The following TRIO variants were observed in gnomAD, a reference collection of about 807,000 sequenced individuals.
TRIO encodes triple functional domain protein.
A neutral mutation model predicts 351.9 loss-of-function variants in TRIO; 58 were observed. That is an observed-to-expected ratio of 0.16 (90% confidence interval 0.13 to 0.21). The LOEUF is 0.21. TRIO is among the 10% of genes least tolerant of loss of function. The probability of loss-of-function intolerance (pLI) is 1.00; values close to 1 mark genes in which losing one functional copy is unlikely to be tolerated. For synonymous variants in TRIO, 1,758 were observed against 1,595.7 expected (o/e 1.10, Z -2.42); for missense variants, 3,201 against 4,027.8 (o/e 0.79, Z 5.56).
At chr5:14,370,147 A>AG (rs1308017892) in intron 18 of TRIO, among the ~76,000 whole-genome samples, 13 of 149,900 alleles carry the variant, frequency 8.7e-5, no homozygotes, top group Middle Eastern at 3.5e-3. Context: ...AATTCAGCGA[A>AG]GGGGTCTCAC....
At position 14,290,845 on chromosome 5, in the gene TRIO, A is replaced by C. The variant is rs370355156; in HGVS notation, c.670A>C (p.Ile224Leu). Residue 224 changes from isoleucine to leucine, a missense_variant, in exon 5 of 57, where the codon ATT becomes CTT. Ile to Leu is a conservative substitution (Grantham distance 5). This residue lies in a region of TRIO where 349 missense variants were observed against 449.3 expected (regional missense o/e 0.78). Transcript: ENST00000344204. Reference sequence around the variant, plus strand: ...AATCAGAGTTGCTTTTGAAGACTACATTAGCAATGCCACCCACATGCTGTC... The same window carrying C: ...AATCAGAGTTGCTTTTGAAGACTACCTTAGCAATGCCACCCACATGCTGTC... ...IEIRVAFEDY[I>L]SNATHMLSRL... The C allele has an allele frequency of 6.2e-7, 1 of 1,614,182 alleles. No homozygotes were observed.
At chr5:14,144,246 C>A (rs1581222475) in intron 1 of TRIO, among the ~76,000 whole-genome samples, 1 of 152,242 alleles carries the variant, frequency 6.6e-6, no homozygotes, top group South Asian at 2.1e-4. Flanking sequence ...GAGGAGGCGG[C>A]GGCGGAGATG....
chr5:14,261,318 G>C (rs1795331201), intron 1 of TRIO, among the ~76,000 whole-genome samples: 1 of 152,212 alleles, frequency 6.6e-6, no homozygotes, highest in Non-Finnish European at 1.5e-5. Context: ...AAGTAGTACA[G>C]ATGTTCTGAG....
intron 1 of TRIO, among the ~76,000 whole-genome samples, chr5:14,175,304 T>C (rs1789339250): frequency 6.6e-6 from 1 of 152,228 alleles, no homozygotes; most frequent in South Asian, 2.1e-4. Flanking sequence ...CACATATACA[T>C]GTGCAGGATT....
In TRIO at chr5:14,462,980, G is replaced by A. The variant is rs914879521; in HGVS notation, c.5667+55G>A. The A allele has an allele frequency of 1.9e-5, 28 of 1,492,492 alleles. No individual in the cohort carries two copies. The African/African-American group carries it at 2.4e-4, about 13-fold the overall frequency. The allele number at this position is 1,492,492 out of a possible 1,614,324, so 92.5% of individuals were successfully genotyped here. ...TGCCTGCCGTGCAGGGGCAGGGCAC[G>A]CTCGGTAGCTGCTTCACACCAGCCT... On this transcript the variant is annotated intron_variant, in intron 36 of 56. Transcript: ENST00000344204.
At chr5:14,334,684 T>C (rs1053556367) in intron 10 of TRIO, among the ~76,000 whole-genome samples, 2 of 152,226 alleles carry the variant, frequency 1.3e-5, no homozygotes, top group Non-Finnish European at 2.9e-5. Flanking sequence ...TCATTCAGCA[T>C]GGAGGCCCCG....
intron 13 of TRIO, among the ~76,000 whole-genome samples, chr5:14,362,679 A>C (rs920517374): frequency 6.6e-6 from 1 of 152,238 alleles, no homozygotes; most frequent in African/African-American, 2.4e-5. Context: ...TTTGTGCACG[A>C]GTCTTTGCGA....
At chr5:14,375,067 A>G (rs557220766) in intron 19 of TRIO, among the ~76,000 whole-genome samples, 16 of 152,334 alleles carry the variant, frequency 1.1e-4, no homozygotes, top group Non-Finnish European at 1.8e-4. Context: ...ATGATTGGCA[A>G]AAACTTTGTA....
chr5:14,323,462 G>C (rs1266101866), intron 9 of TRIO, among the ~76,000 whole-genome samples: 1 of 152,180 alleles, frequency 6.6e-6, no homozygotes, highest in African/African-American at 2.4e-5. Flanking sequence ...ACAGGGAACA[G>C]GCTTTCCTAG....
intron 1 of TRIO, among the ~76,000 whole-genome samples, chr5:14,253,282 T>C (rs937753543): frequency 6.6e-6 from 1 of 152,268 alleles, no homozygotes; most frequent in African/African-American, 2.4e-5. Context: ...GCATACATAC[T>C]TTACTAGTAC....
intron 11 of TRIO, among the ~76,000 whole-genome samples, chr5:14,347,884 A>T (rs1742577777): frequency 6.6e-6 from 1 of 152,250 alleles, no homozygotes; most frequent in African/African-American, 2.4e-5. Flanking sequence ...CTCAGCACCA[A>T]ATCAACCACA....
At chr5:14,455,806 C>T (rs1032131669) in intron 34 of TRIO, among the ~76,000 whole-genome samples, 12 of 152,388 alleles carry the variant, frequency 7.9e-5, no homozygotes, top group African/African-American at 2.6e-4. Flanking sequence ...AGTCCCCACC[C>T]GACTCAGGAG....
chr5:14,253,266 G>A (rs1794846631), intron 1 of TRIO, among the ~76,000 whole-genome samples: 1 of 152,232 alleles, frequency 6.6e-6, no homozygotes, highest in South Asian at 2.1e-4. Context: ...AGGGGTATGT[G>A]TCACTGCATA....
At chr5:14,309,327 A>G (rs897634427) in intron 8 of TRIO, among the ~76,000 whole-genome samples, 15 of 151,778 alleles carry the variant, frequency 9.9e-5, no homozygotes, top group Admixed American at 6.6e-4. Flanking sequence ...CCATTTCCCA[A>G]CCATTCTGTC....
intron 25 of TRIO, among the ~76,000 whole-genome samples, 167 bp downstream of exon 25, chr5:14,389,565 C>A (rs1171521199): frequency 2.0e-5 from 3 of 152,158 alleles, no homozygotes; most frequent in Non-Finnish European, 4.4e-5. Flanking sequence ...TCTAGAAATT[C>A]TTTTAATACA....
chr5:14,380,159 T>C (rs934530304), intron 20 of TRIO, among the ~76,000 whole-genome samples: 8 of 152,226 alleles, frequency 5.3e-5, no homozygotes, highest in African/African-American at 1.7e-4. Flanking sequence ...ACAGTGACTT[T>C]ATGAGAAGCA....
At chr5:14,145,029 C>T (rs1371001936) in intron 1 of TRIO, among the ~76,000 whole-genome samples, 5 of 151,808 alleles carry the variant, frequency 3.3e-5, no homozygotes, top group Admixed American at 3.3e-4. Flanking sequence ...CAGGTCCGGG[C>T]CTGGAGAGGC....
At chr5:14,148,338 A>T (rs1787633491) in intron 1 of TRIO, among the ~76,000 whole-genome samples, 1 of 152,204 alleles carries the variant, frequency 6.6e-6, no homozygotes, top group African/African-American at 2.4e-5. Context: ...CAGGTGAAAG[A>T]TGTGTTTGAA....
chr5:14,391,419 T>C (rs1747074738), intron 27 of TRIO, among the ~76,000 whole-genome samples: 2 of 152,260 alleles, frequency 1.3e-5, no homozygotes, highest in Non-Finnish European at 2.9e-5. Flanking sequence ...TTTAATTTCA[T>C]GATGTTACGA....
Sources: allele counts gnomAD v4.1 joint callset (sites outside exome capture counted in the v4.1 genomes callset), GRCh38; gene constraint gnomAD v4.1.1; regional missense constraint gnomAD v4.1.1; transcripts MANE v1.5; gene names NCBI Gene and HGNC (gene_info 2026-07-23, HGNC 2026-07-21).